The following THSD7A variants were observed in gnomAD, a reference collection of about 807,000 sequenced individuals.
The protein encoded by THSD7A is thrombospondin type-1 domain-containing protein 7A.
A neutral mutation model predicts 231.3 loss-of-function variants in THSD7A; 96 were observed. The observed-to-expected ratio is 0.41, with a 90% confidence interval of 0.35 to 0.49. THSD7A has a LOEUF of 0.49. THSD7A is among the 20% of genes least tolerant of loss of function. The probability of loss-of-function intolerance (pLI) is 0.05; values close to 1 mark genes in which losing one functional copy is unlikely to be tolerated. For synonymous variants in THSD7A, 940 were observed against 743.3 expected (o/e 1.26, Z -4.30); for missense variants, 2,290 against 2,070.2 (o/e 1.11, Z -2.06).
At chr7:11,756,745 A>G (rs1782690678) in intron 1 of THSD7A, among the ~76,000 whole-genome samples, 1 of 152,216 alleles carries the variant, frequency 6.6e-6, no homozygotes, top group African/African-American at 2.4e-5. Context: ...ACTGGAGAAA[A>G]GCAGCCTCCA....
At chr7:11,757,012 G>A (rs1023359230) in intron 1 of THSD7A, among the ~76,000 whole-genome samples, 1 of 151,632 alleles carries the variant, frequency 6.6e-6, no homozygotes, top group Non-Finnish European at 1.5e-5. Flanking sequence ...AGTTTCTTAA[G>A]GCCATAGTGT....
At chr7:11,737,328 C>A (rs1233056158) in intron 1 of THSD7A, among the ~76,000 whole-genome samples, 1 of 151,920 alleles carries the variant, frequency 6.6e-6, no homozygotes, top group Non-Finnish European at 1.5e-5. Flanking sequence ...ACTGGTGACA[C>A]TTCTTTTGGG....
At chr7:11,376,483 T>C in intron 27 of THSD7A, 87 bp downstream of exon 27, 1 of 1,009,900 alleles carries the variant, frequency 9.9e-7, no homozygotes. Flanking sequence ...ACCAGATAAA[T>C]GTAGAGTACT....
chr7:11,713,413 T>C (rs944839691), intron 1 of THSD7A, among the ~76,000 whole-genome samples: 14 of 151,160 alleles, frequency 9.3e-5, no homozygotes, highest in Admixed American at 3.3e-4. Context: ...ATAAATTGAC[T>C]CCTAATCTGT....
intron 1 of THSD7A, among the ~76,000 whole-genome samples, chr7:11,751,575 CATT>C (rs1024949423): frequency 6.6e-6 from 1 of 151,924 alleles, no homozygotes; most frequent in African/African-American, 2.4e-5. Flanking sequence ...AAAATGGTAA[CATT>C]AGTAAAATGA....
intron 1 of THSD7A, among the ~76,000 whole-genome samples, chr7:11,643,906 T>G (rs1009944695): frequency 2.0e-5 from 3 of 152,022 alleles, no homozygotes; most frequent in East Asian, 3.9e-4. Flanking sequence ...CCCACCAAAA[T>G]GTACCAGTTT....
intron 6 of THSD7A, among the ~76,000 whole-genome samples, chr7:11,517,943 T>A (rs1015125459): frequency 6.6e-6 from 1 of 152,058 alleles, no homozygotes; most frequent in Non-Finnish European, 1.5e-5. Flanking sequence ...GTGCCACAGA[T>A]AGGTAAGACA....
intron 6 of THSD7A, among the ~76,000 whole-genome samples, chr7:11,485,845 T>C (rs1786634958): frequency 6.6e-6 from 1 of 152,244 alleles, no homozygotes; most frequent in Non-Finnish European, 1.5e-5. Flanking sequence ...GCATTGTTGA[T>C]GAGTCCAGTG....
chr7:11,382,391 A>T, intron 24 of THSD7A, 130 bp downstream of exon 24: 1 of 723,474 alleles, frequency 1.4e-6, no homozygotes. Flanking sequence ...TATACAGCTT[A>T]GGCATCCTGA....
intron 6 of THSD7A, among the ~76,000 whole-genome samples, chr7:11,499,222 G>C (rs1040113077): frequency 2.6e-5 from 4 of 152,178 alleles, no homozygotes; most frequent in African/African-American, 9.7e-5. Context: ...ACCAGACAGG[G>C]AACTCCTGGC....
intron 1 of THSD7A, among the ~76,000 whole-genome samples, chr7:11,692,467 A>G (rs968954072): frequency 6.6e-6 from 1 of 151,578 alleles, no homozygotes; most frequent in Admixed American, 6.6e-5. Context: ...TTTGGTCTTA[A>G]CAACCGAATT....
chr7:11,380,716 A>ATACTT (rs746668532), intron 24 of THSD7A, among the ~76,000 whole-genome samples: 13 of 152,292 alleles, frequency 8.5e-5, no homozygotes, highest in Non-Finnish European at 1.6e-4. Flanking sequence ...GATAGGTAAT[A>ATACTT]TACTTTACAT....
intron 11 of THSD7A, among the ~76,000 whole-genome samples, chr7:11,449,405 G>A (rs532718592): frequency 2.0e-5 from 3 of 152,012 alleles, no homozygotes; most frequent in East Asian, 1.9e-4. Context: ...TGATCCTTAC[G>A]CAGATTCAAG....
rs1436852566 is a variant in THSD7A at position 11,411,467 on chromosome 7, T to C, written c.3683-145A>G. On this transcript the variant is annotated intron_variant, in intron 18 of 27. Coordinates refer to ENST00000423059, the MANE Select transcript of THSD7A (RefSeq NM_015204.3). The surrounding 1 kb of genome is among the most constrained non-coding windows in gnomAD (Gnocchi z 4.1). ...TCATCCCCCATGCAGAGCATATGGG[T>C]CCCAGCTTTGAACGTATCAGGAGTC... 1 of 612,810 alleles carries C rather than the reference T, an allele frequency of 1.6e-6. No homozygotes were observed. Among genetic ancestry groups the C allele is most frequent in the African/African-American group, 1.8e-5 (1 of 54,090 alleles). 38.0% of individuals were successfully genotyped at this position (612,810 alleles called of 1,614,324 possible).
intron 9 of THSD7A, among the ~76,000 whole-genome samples, chr7:11,467,646 T>C (rs1785764510): frequency 6.6e-6 from 1 of 152,132 alleles, no homozygotes; most frequent in Admixed American, 6.6e-5. Context: ...ATTTTATAAA[T>C]GATCAAACAG....
At chr7:11,629,571 T>C (rs1437651505) in intron 2 of THSD7A, among the ~76,000 whole-genome samples, 1 of 152,126 alleles carries the variant, frequency 6.6e-6, no homozygotes. Context: ...TCCTTTCTCT[T>C]TGGTAAGGTT....
At chr7:11,515,556 A>G (rs1452294406) in intron 6 of THSD7A, among the ~76,000 whole-genome samples, 4 of 152,170 alleles carry the variant, frequency 2.6e-5, no homozygotes, top group African/African-American at 9.6e-5. Flanking sequence ...TCATCTACTG[A>G]TTATGAAAAT....
At chr7:11,586,866 A>G (rs1392417356) in intron 4 of THSD7A, among the ~76,000 whole-genome samples, 1 of 151,978 alleles carries the variant, frequency 6.6e-6, no homozygotes, top group Non-Finnish European at 1.5e-5. Context: ...GCTATATCTC[A>G]TTCTATGTCA....
chr7:11,715,426 C>T lies in THSD7A; in HGVS notation c.191-78465G>A, dbSNP rs1036066628. On this transcript the variant is annotated intron_variant, in intron 1 of 27. Coordinates refer to ENST00000423059, the MANE Select transcript of THSD7A (RefSeq NM_015204.3). Reference sequence around the variant, plus strand: ...GAATGCCTAAAAATAATTTTAATGCCTCTCTTTCTAAATGGTTTTACTCAA... The same window carrying T: ...GAATGCCTAAAAATAATTTTAATGCTTCTCTTTCTAAATGGTTTTACTCAA... Among the ~76,000 whole-genome samples the T allele has an allele frequency of 4.0e-5, 6 of 151,436 alleles. No individual in the cohort carries two copies. The East Asian group carries it at 1.2e-3, about 30-fold the overall frequency.
Sources: allele counts gnomAD v4.1 joint callset (sites outside exome capture counted in the v4.1 genomes callset), GRCh38; gene constraint gnomAD v4.1.1; non-coding constraint Gnocchi (gnomAD v3.1); transcripts MANE v1.5; gene names NCBI Gene and HGNC (gene_info 2026-07-23, HGNC 2026-07-21).